C6orf52: variants seen among roughly 807,000 people sequenced by gnomAD.
C6orf52 encodes the protein chromosome 6 open reading frame 52.
In C6orf52, 16 loss-of-function variants were observed where a neutral mutation model predicts 16.6. The ratio of observed to expected loss-of-function variants is 0.96; its 90% CI spans 0.65 to 1.46. C6orf52 has a LOEUF of 1.46. Among genes scored for constraint, C6orf52 ranks in the 40% most tolerant of loss-of-function variants. The pLI is 0.00. For synonymous variants in C6orf52, 53 were observed against 61.4 expected (o/e 0.86, Z 0.64); for missense variants, 166 against 182.3 (o/e 0.91, Z 0.52).
intron 4 of C6orf52, among the ~76,000 whole-genome samples, chr6:10,677,102 C>T (rs1188374421): frequency 2.0e-5 from 3 of 152,322 alleles, no homozygotes; most frequent in South Asian, 2.1e-4. Flanking sequence ...AGACCAATGT[C>T]GTGGAGCTTT....
chr6:10,692,347 G>C (rs1380224614), intron 1 of C6orf52, among the ~76,000 whole-genome samples: 1 of 152,100 alleles, frequency 6.6e-6, no homozygotes, highest in African/African-American at 2.4e-5. Context: ...TGGTTCTCTG[G>C]TGGAAACTTA....
At chr6:10,689,260 C>T (rs1197526578) in intron 1 of C6orf52, among the ~76,000 whole-genome samples, 2 of 152,196 alleles carry the variant, frequency 1.3e-5, no homozygotes, top group Non-Finnish European at 2.9e-5. Context: ...CGTGAGCCAC[C>T]GTGCCCGGCC....
chr6:10,679,297 G>A (rs1343870030), intron 4 of C6orf52, among the ~76,000 whole-genome samples: 2 of 145,784 alleles, frequency 1.4e-5, no homozygotes, highest in African/African-American at 4.9e-5. Flanking sequence ...AAAGTTAGCT[G>A]GGCGTAGTGG....
At chr6:10,680,954 C>A (rs979426933) in intron 4 of C6orf52, among the ~76,000 whole-genome samples, 34 of 152,096 alleles carry the variant, frequency 2.2e-4, no homozygotes, top group African/African-American at 7.7e-4. Context: ...GTACATGCTA[C>A]CATACCCAGT....
At chr6:10,677,150 G>A (rs930823304) in intron 4 of C6orf52, among the ~76,000 whole-genome samples, 3 of 152,168 alleles carry the variant, frequency 2.0e-5, no homozygotes, top group Non-Finnish European at 4.4e-5. Flanking sequence ...ACAGTTTTGG[G>A]TCTTACATTT....
At chr6:10,672,317 A>T (rs980434320) in intron 4 of C6orf52, among the ~76,000 whole-genome samples, 4 of 152,112 alleles carry the variant, frequency 2.6e-5, no homozygotes, top group Non-Finnish European at 4.4e-5. Context: ...GAGGATCATA[A>T]TTTGCTTCCT....
At chr6:10,680,650 G>T (rs552066684) in intron 4 of C6orf52, among the ~76,000 whole-genome samples, 31 of 152,274 alleles carry the variant, frequency 2.0e-4, no homozygotes, top group Non-Finnish European at 3.8e-4. Flanking sequence ...CCAGCCCTTG[G>T]GGAGGCAGAG....
At chr6:10,693,034 GACTA>G (rs372311868) in intron 1 of C6orf52, among the ~76,000 whole-genome samples, 231 of 152,310 alleles carry the variant, frequency 1.5e-3, no homozygotes, top group African/African-American at 5.3e-3. Flanking sequence ...TTCTTTTAAA[GACTA>G]ACTTACTTCA....
In C6orf52 at chr6:10,688,049, C is replaced by G. The variant is rs529597471; in HGVS notation, c.-11-488G>C. ...CTGGCTTTTTCTTTTTTTAATTCCA[C>G]GCAGGTTGAAAGCATCATCCAACTA... On this transcript the variant is annotated intron_variant, in intron 1 of 4. Coordinates refer to ENST00000259983, the MANE Select transcript of C6orf52 (RefSeq NM_001145020.3). 8.5e-5 allele frequency among the ~76,000 whole-genome samples: 13 copies of G among 152,230 alleles called. No homozygotes were observed. The South Asian group carries it at 2.7e-3, about 32-fold the overall frequency.
At chr6:10,679,698 C>A (rs1270038526) in intron 4 of C6orf52, among the ~76,000 whole-genome samples, 1 of 152,072 alleles carries the variant, frequency 6.6e-6, no homozygotes, top group African/African-American at 2.4e-5. Context: ...AACCTAGGAA[C>A]CTTTAGTTTC....
intron 4 of C6orf52, among the ~76,000 whole-genome samples, chr6:10,681,650 G>A (rs547165564): frequency 1.5e-4 from 23 of 152,168 alleles, no homozygotes; most frequent in Non-Finnish European, 2.9e-4. Flanking sequence ...TATAAGAAAG[G>A]TATCAATGTC....
rs548696905 is a variant in C6orf52 at position 10,678,846 on chromosome 6, G to A, written c.316+4341C>T. Among the ~76,000 whole-genome samples the A allele has an allele frequency of 3.9e-5, 6 of 152,232 alleles. No individual in the cohort carries two copies. In the South Asian group the frequency reaches 6.2e-4, roughly 16 times the overall value. ...ACAGTGGCTCACGCCTGTAATCCCC[G>A]CACTTTGGGAGGCGGAGGCAGGAAG... On this transcript the variant is annotated intron_variant, in intron 4 of 4. Coordinates refer to ENST00000259983, the MANE Select transcript of C6orf52 (RefSeq NM_001145020.3).
At chr6:10,688,008 T>C (rs1289857893) in intron 1 of C6orf52, among the ~76,000 whole-genome samples, 2 of 152,178 alleles carry the variant, frequency 1.3e-5, no homozygotes, top group Non-Finnish European at 2.9e-5. Flanking sequence ...AGAATAACTA[T>C]TGGAACTAGC....
intron 1 of C6orf52, among the ~76,000 whole-genome samples, chr6:10,687,888 C>T (rs114232241): frequency 0.015 from 2,225 of 152,022 alleles, 49 homozygotes; most frequent in African/African-American, 0.051. Flanking sequence ...GTATGTTGGT[C>T]GACAATGAAG....
At chr6:10,693,259 T>G (rs544007990) in intron 1 of C6orf52, among the ~76,000 whole-genome samples, 31 of 152,350 alleles carry the variant, frequency 2.0e-4, no homozygotes, top group Non-Finnish European at 3.8e-4. Flanking sequence ...CTGCTTTTCC[T>G]TTGTTCAGGA....
intron 4 of C6orf52, among the ~76,000 whole-genome samples, chr6:10,675,729 A>C (rs80352349): frequency 6.6e-6 from 1 of 152,240 alleles, no homozygotes; most frequent in Non-Finnish European, 1.5e-5. Context: ...ATCAGGAGTG[A>C]GACGATATCT....
chr6:10,693,357 C>G (rs1769528061), intron 1 of C6orf52, among the ~76,000 whole-genome samples: 1 of 152,248 alleles, frequency 6.6e-6, no homozygotes, highest in African/African-American at 2.4e-5. Context: ...TGTCTCCATG[C>G]TGACTTTTCT....
chr6:10,682,911 A>G (rs1158535614), intron 4 of C6orf52, among the ~76,000 whole-genome samples: 1 of 152,242 alleles, frequency 6.6e-6, no homozygotes, highest in Non-Finnish European at 1.5e-5. Context: ...CTAAACTTAC[A>G]GAGGAAATGG....
At chr6:10,686,000 G>A (rs1768842910) in intron 3 of C6orf52, among the ~76,000 whole-genome samples, 1 of 152,176 alleles carries the variant, frequency 6.6e-6, no homozygotes, top group East Asian at 1.9e-4. Flanking sequence ...TTAAAGCCCT[G>A]AAAATATTTA....
Sources: gnomAD v4.1 joint callset for allele counts (sites outside exome capture counted in the v4.1 genomes callset) on GRCh38, gnomAD v4.1.1 for gene constraint, MANE v1.5 for transcripts, NCBI Gene and HGNC (gene_info 2026-07-23, HGNC 2026-07-21) for gene names.